The following RBFOX1 variants were observed in gnomAD, a reference collection of about 807,000 sequenced individuals.
RBFOX1 encodes RNA binding protein fox-1 homolog 1.
Under a neutral mutation model 57.7 loss-of-function variants are expected in RBFOX1, and 8 were observed. The observed-to-expected ratio is 0.14, with a 90% CI of 0.08 to 0.25. The LOEUF (loss-of-function observed/expected upper bound fraction) is 0.25, where lower values mean the gene tolerates loss of function less well. Ranked by LOEUF, RBFOX1 falls within the 10% of genes least tolerant of loss-of-function variation. The probability of loss-of-function intolerance (pLI) is 1.00; values close to 1 mark genes in which losing one functional copy is unlikely to be tolerated. For synonymous variants in RBFOX1, 326 were observed against 222.4 expected (o/e 1.47, Z -4.15); for missense variants, 611 against 548.5 (o/e 1.11, Z -1.14).
intron 4 of RBFOX1, among the ~76,000 whole-genome samples, chr16:7,390,206 G>C (rs4587996): frequency 0.58 from 87,567 of 151,902 alleles, 25,572 homozygotes; most frequent in East Asian, 0.86. Flanking sequence ...CTGTCATCTC[G>C]CACCAGACCC....
At chr16:6,501,131 C>CTTTTTTTT (rs1003003339) in intron 2 of RBFOX1, among the ~76,000 whole-genome samples, 57 of 107,876 alleles carry the variant, frequency 5.3e-4, no homozygotes, top group Non-Finnish European at 7.0e-4. Context: ...GTTAAACATT[C>CTTTTTTTT]TTTTTTTTTT....
chr16:6,193,102 A>G lies in RBFOX1; in HGVS notation c.-126-123893A>G, dbSNP rs573055602. On this transcript the variant is annotated intron_variant, in intron 1 of 15. Transcript: ENST00000550418. ...CCCGAAGATTCATCTCTAACTCTGT[A>G]ATACATTTAGTGATTTCAATGCAAA... Among the ~76,000 whole-genome samples, 7 of 152,014 alleles carry G rather than the reference A, an allele frequency of 4.6e-5. No homozygotes were observed. In the East Asian group the frequency reaches 1.4e-3, roughly 30 times the overall value.
intron 2 of RBFOX1, among the ~76,000 whole-genome samples, chr16:6,631,661 A>C (rs983716975): frequency 2.6e-5 from 4 of 152,180 alleles, no homozygotes; most frequent in Non-Finnish European, 5.9e-5. Flanking sequence ...AATGCAAATA[A>C]TGGTACGTGC....
intron 3 of RBFOX1, among the ~76,000 whole-genome samples, chr16:5,677,787 A>C (rs2050211475): frequency 6.6e-6 from 1 of 152,176 alleles, no homozygotes; most frequent in African/African-American, 2.4e-5. Flanking sequence ...TTGCATGTGG[A>C]AAGGCTTGGT....
At chr16:7,277,370 T>C (rs577485751) in intron 4 of RBFOX1, among the ~76,000 whole-genome samples, 3 of 152,310 alleles carry the variant, frequency 2.0e-5, no homozygotes, top group East Asian at 1.9e-4. Flanking sequence ...AGAAAACCTT[T>C]CCTGAATTGC....
At position 6,864,963 on chromosome 16, in the gene RBFOX1, C is replaced by T. The variant is rs549497448; in HGVS notation, c.-15-187094C>T. ...AAAAATAAGCCCTGTTCCTCAATCCCAGTGCCAATGTTGGAGTGGGTTTTT... is the reference window on the plus strand; with the variant it reads ...AAAAATAAGCCCTGTTCCTCAATCCTAGTGCCAATGTTGGAGTGGGTTTTT... On this transcript the variant is annotated intron_variant, in intron 3 of 15. Transcript: ENST00000550418. 2.0e-5 allele frequency among the ~76,000 whole-genome samples: 3 copies of T among 149,012 alleles called. No homozygotes were observed. The East Asian group carries it at 5.9e-4, about 29-fold the overall frequency.
At chr16:7,402,193 A>T (rs1026532708) in intron 4 of RBFOX1, among the ~76,000 whole-genome samples, 3 of 152,166 alleles carry the variant, frequency 2.0e-5, no homozygotes, top group Non-Finnish European at 4.4e-5. Flanking sequence ...ACTCTTTGAA[A>T]ATACATTTAA....
chr16:6,754,984 T>C (rs943183914), intron 3 of RBFOX1, among the ~76,000 whole-genome samples: 6 of 152,182 alleles, frequency 3.9e-5, no homozygotes, highest in Admixed American at 6.5e-5. Context: ...GATAGTTTAC[T>C]GAGAATGATG....
At chr16:5,244,469 C>T (rs1401836316) in intron 1 of RBFOX1, among the ~76,000 whole-genome samples, 3 of 152,174 alleles carry the variant, frequency 2.0e-5, no homozygotes, top group African/African-American at 7.2e-5. Flanking sequence ...CAGTTCACTC[C>T]CATACTGGGG....
At chr16:7,323,250 C>G (rs528726092) in intron 4 of RBFOX1, among the ~76,000 whole-genome samples, 3 of 152,104 alleles carry the variant, frequency 2.0e-5, no homozygotes, top group Non-Finnish European at 2.9e-5. Context: ...CAGCGAGACC[C>G]CCATCTCTGA....
At chr16:7,122,676 T>A (rs998061470) in intron 4 of RBFOX1, among the ~76,000 whole-genome samples, 8 of 152,110 alleles carry the variant, frequency 5.3e-5, no homozygotes, top group Admixed American at 3.9e-4. Flanking sequence ...GTTACAAAGT[T>A]AAGTATATGC....
intron 4 of RBFOX1, among the ~76,000 whole-genome samples, chr16:7,443,088 A>G (rs1386124293): frequency 6.6e-6 from 1 of 152,242 alleles, no homozygotes; most frequent in African/African-American, 2.4e-5. Context: ...CAGTTGCACG[A>G]GAACACTCTT....
chr16:6,846,965 G>A (rs921163839), intron 3 of RBFOX1, among the ~76,000 whole-genome samples: 2 of 152,002 alleles, frequency 1.3e-5, no homozygotes, highest in African/African-American at 4.8e-5. Context: ...ATGTCTTTGG[G>A]GGCAAAGTGA....
chr16:5,811,413 G>A (rs182452728), intron 3 of RBFOX1, among the ~76,000 whole-genome samples: 2 of 151,688 alleles, frequency 1.3e-5, no homozygotes, highest in Admixed American at 1.3e-4. Context: ...AAAGTGCTGG[G>A]ATTACAGGTG....
At chr16:7,276,654 G>C (rs929473285) in intron 4 of RBFOX1, among the ~76,000 whole-genome samples, 1 of 152,052 alleles carries the variant, frequency 6.6e-6, no homozygotes, top group Non-Finnish European at 1.5e-5. Flanking sequence ...TCCTGGGCAG[G>C]TTACCTCTCC....
At chr16:7,525,602 C>T (rs964803186) in intron 5 of RBFOX1, among the ~76,000 whole-genome samples, 4 of 152,198 alleles carry the variant, frequency 2.6e-5, no homozygotes, top group South Asian at 4.1e-4. Context: ...ACTCTTGGCT[C>T]ATGTCCCTGC....
At chr16:6,707,478 G>GTTTTTTTT (rs61418784) in intron 3 of RBFOX1, among the ~76,000 whole-genome samples, 113 of 128,288 alleles carry the variant, frequency 8.8e-4, no homozygotes, top group African/African-American at 2.1e-3. Flanking sequence ...TCCCATTTTT[G>GTTTTTTTT]TTTTTTTTTT....
chr16:6,390,906 G>C (rs574115577), intron 2 of RBFOX1, among the ~76,000 whole-genome samples: 1 of 152,080 alleles, frequency 6.6e-6, no homozygotes, highest in African/African-American at 2.4e-5. Context: ...AGTGGAGACG[G>C]GCTTGTGGGG....
At chr16:7,054,713 T>G (rs907399396) in intron 4 of RBFOX1, among the ~76,000 whole-genome samples, 2 of 152,226 alleles carry the variant, frequency 1.3e-5, no homozygotes, top group Non-Finnish European at 2.9e-5. Context: ...GGTAACTGTC[T>G]GCAAGCCACA....
Sources: gnomAD v4.1 joint callset for allele counts (sites outside exome capture counted in the v4.1 genomes callset) on GRCh38, gnomAD v4.1.1 for gene constraint, MANE v1.5 for transcripts, NCBI Gene and HGNC (gene_info 2026-07-23, HGNC 2026-07-21) for gene names.